GUCY2C: variants seen among roughly 807,000 people sequenced by gnomAD.
GUCY2C encodes guanylyl cyclase C.
Under a neutral mutation model 131.1 loss-of-function variants are expected in GUCY2C, and 118 were observed. The ratio of observed to expected loss-of-function variants is 0.90; its 90% confidence interval spans 0.78 to 1.05. The LOEUF (loss-of-function observed/expected upper bound fraction) is 1.05. GUCY2C is among the 50% of genes least tolerant of loss of function. The pLI, the probability that GUCY2C is intolerant of heterozygous loss-of-function variation, is 0.00. For missense variants in GUCY2C, 1,161 were observed against 1,304.4 expected (o/e 0.89, Z 1.69); for synonymous variants, 452 against 457.8 (o/e 0.99, Z 0.16).
chr12:14,683,910 G>C (rs1174222779), intron 3 of GUCY2C, among the ~76,000 whole-genome samples: 1 of 152,028 alleles, frequency 6.6e-6, no homozygotes, highest in East Asian at 1.9e-4. Flanking sequence ...GATTGCAAAG[G>C]CTTCTTTGAC....
chr12:14,613,362 T>A lies in GUCY2C; in HGVS notation c.3048-71A>T, dbSNP rs1050689936. The A allele has an allele frequency of 8.6e-6, 10 of 1,169,516 alleles. No individual in the cohort carries two copies. The Admixed American group carries it at 1.7e-4, about 20-fold the overall frequency. 72.4% of individuals were successfully genotyped at this position (1,169,516 alleles called of 1,614,324 possible). On this transcript the variant is annotated intron_variant, in intron 26 of 26. Transcript: ENST00000261170. This position sits in a 1 kb window ranked among gnomAD's most constrained non-coding sequence, Gnocchi z 4.9. ...TACAGAATATTCCTTAGCTCCAGAA[T>A]AATCAGTTCAGTTAGTCAGTTACTC...
In GUCY2C at chr12:14,656,544, C is replaced by G. The variant is rs1163839028; in HGVS notation, c.1438G>C (p.Glu480Gln). ...CTAACATGATTGGTCTCATTGGTCT[C>G]CAGAGGAAAGATATTTTCAGGAGGA... ...HIPPENIFPL[E>Q]TNETNHVSLK... is the part of the protein sequence containing the mutation. Residue 480 changes from glutamate (E) to glutamine (Q), a missense_variant, in exon 12 of 27, where the codon GAG becomes CAG. Glu to Gln is a conservative substitution (Grantham distance 29, BLOSUM62 2). Transcript: ENST00000261170. The G allele has an allele frequency of 1.3e-6, 2 of 1,599,092 alleles. No homozygotes were observed.
At chr12:14,628,170 G>A (rs7955027) in intron 20 of GUCY2C, among the ~76,000 whole-genome samples, 126,592 of 152,146 alleles carry the variant, frequency 0.83, 57,116 homozygotes, top group East Asian at 0.99. Flanking sequence ...ATCTCAACCA[G>A]ATAATTGTGT....
intron 21 of GUCY2C, 40 bp from the exon 22 acceptor site, chr12:14,622,237 C>G: frequency 7.8e-7 from 1 of 1,281,554 alleles, no homozygotes; most frequent in Non-Finnish European, 1.1e-6. Context: ...TCAACTTCAG[C>G]AAATTTCTTC....
At chr12:14,670,786 G>A (rs967742797) in intron 9 of GUCY2C, among the ~76,000 whole-genome samples, 2 of 151,544 alleles carry the variant, frequency 1.3e-5, no homozygotes, top group South Asian at 2.1e-4. Context: ...CCCCAGCCTC[G>A]CTGGGGAGTC....
At chr12:14,631,152 A>G (rs1201420251) in intron 19 of GUCY2C, among the ~76,000 whole-genome samples, 1 of 152,196 alleles carries the variant, frequency 6.6e-6, no homozygotes, top group Non-Finnish European at 1.5e-5. Context: ...TTGTAAATGG[A>G]AGGAAAATGT....
In GUCY2C at chr12:14,619,254, T is replaced by G; in HGVS notation, c.2832A>C (p.Gly944=). The G allele has an allele frequency of 6.2e-7, 1 of 1,612,758 alleles. No individual in the cohort carries two copies. Among genetic ancestry groups the G allele is most frequent in the Non-Finnish European group, 8.5e-7 (1 of 1,178,862 alleles). Residue 944 remains glycine (G), a synonymous_variant, in exon 24 of 27, where the codon GGA becomes GGC. Coordinates refer to ENST00000261170, the MANE Select transcript of GUCY2C (RefSeq NM_004963.4). ...GIKMPRYCLF[G]DTVNTASRME... ...TCCTAGAGGCTGTGTTGACCGTATC[T>G]CCAAATAGACAATAACGAGGCATCT...
intron 24 of GUCY2C, among the ~76,000 whole-genome samples, chr12:14,618,366 T>A (rs1946815465): frequency 6.6e-6 from 1 of 151,846 alleles, no homozygotes; most frequent in African/African-American, 2.4e-5. Flanking sequence ...AATTAAAAAA[T>A]TAGCTGTGCA....
At chr12:14,626,719 T>G (rs538082566) in intron 20 of GUCY2C, among the ~76,000 whole-genome samples, 144 of 152,300 alleles carry the variant, frequency 9.5e-4, no homozygotes, top group Non-Finnish European at 1.5e-3. Context: ...AGTTGAATAC[T>G]CAGAAAGACA....
At chr12:14,649,364 C>T (rs866581117) in intron 15 of GUCY2C, among the ~76,000 whole-genome samples, 22 of 152,218 alleles carry the variant, frequency 1.4e-4, no homozygotes, top group African/African-American at 5.1e-4. Context: ...ATTCTTCTAA[C>T]GTTGAAGTTT....
At chr12:14,646,598 A>G (rs1947528160) in intron 15 of GUCY2C, among the ~76,000 whole-genome samples, 1 of 152,252 alleles carries the variant, frequency 6.6e-6, no homozygotes, top group African/African-American at 2.4e-5. Flanking sequence ...AGAAGAATAT[A>G]AAATTATTGC....
At chr12:14,690,820 C>T (rs1366837076) in intron 1 of GUCY2C, among the ~76,000 whole-genome samples, 3 of 152,176 alleles carry the variant, frequency 2.0e-5, no homozygotes, top group Non-Finnish European at 4.4e-5. Context: ...GGATTACAGG[C>T]GTGAGCCACT....
intron 1 of GUCY2C, among the ~76,000 whole-genome samples, chr12:14,689,740 A>G (rs562784961): frequency 1.4e-4 from 21 of 152,214 alleles, no homozygotes; most frequent in Non-Finnish European, 2.4e-4. Context: ...ATGCACCAAA[A>G]TGTTAAATCC....
chr12:14,676,479 T>C (rs1431876996), intron 7 of GUCY2C, among the ~76,000 whole-genome samples: 1 of 152,240 alleles, frequency 6.6e-6, no homozygotes, highest in African/African-American at 2.4e-5. Context: ...CATAGGGAAC[T>C]TTCCAGTAAC....
chr12:14,666,104 T>C (rs1381995192), intron 10 of GUCY2C: 1 of 152,306 alleles, frequency 6.6e-6, no homozygotes, highest in Non-Finnish European at 1.5e-5. Context: ...CTGATTTATA[T>C]AGGGCCCAGG....
chr12:14,632,427 A>G (rs909924947), intron 19 of GUCY2C, among the ~76,000 whole-genome samples: 1 of 152,332 alleles, frequency 6.6e-6, no homozygotes, highest in African/African-American at 2.4e-5. Flanking sequence ...GCTCAGGTAA[A>G]ATGCTAAAAG....
chr12:14,687,625 A>G (rs1948497076), intron 2 of GUCY2C, among the ~76,000 whole-genome samples: 1 of 152,186 alleles, frequency 6.6e-6, no homozygotes, highest in African/African-American at 2.4e-5. Flanking sequence ...GTCTCAAAAA[A>G]CAAACAAACA....
chr12:14,632,202 C>A (rs1348470417), intron 19 of GUCY2C, among the ~76,000 whole-genome samples: 1 of 151,986 alleles, frequency 6.6e-6, no homozygotes, highest in Non-Finnish European at 1.5e-5. Flanking sequence ...ATGGTAGTTT[C>A]TTTTGCTGTG....
chr12:14,687,917 G>T, intron 2 of GUCY2C, 34 bp downstream of exon 2: 1 of 1,098,016 alleles, frequency 9.1e-7, no homozygotes, highest in Non-Finnish European at 1.4e-6. Context: ...GTGCCCAGAG[G>T]CCATGAGCTG....
Sources: gnomAD v4.1 joint callset for allele counts (sites outside exome capture counted in the v4.1 genomes callset) on GRCh38, gnomAD v4.1.1 for gene constraint, Gnocchi (gnomAD v3.1) non-coding constraint, MANE v1.5 for transcripts, NCBI Gene and HGNC (gene_info 2026-07-23, HGNC 2026-07-21) for gene names.